TDP2: variants seen among roughly 807,000 people sequenced by gnomAD.
TDP2 encodes the protein tyrosyl-DNA phosphodiesterase 2, also known as 5'-Tyr-DNA phosphodiesterase.
Under a neutral mutation model 42.8 loss-of-function variants are expected in TDP2, and 38 were observed. The ratio of observed to expected loss-of-function variants is 0.89; its 90% CI spans 0.68 to 1.16. The LOEUF is 1.16. TDP2 is among the 50% of genes most tolerant of loss of function. The pLI is 0.00. For missense variants in TDP2, 439 were observed against 439.3 expected (o/e 1.00, Z 0.01); for synonymous variants, 173 against 150.6 (o/e 1.15, Z -1.09).
intron 2 of TDP2, chr6:24,665,915 T>A: frequency 1.8e-6 from 1 of 556,974 alleles, no homozygotes; most frequent in South Asian, 5.5e-5. Flanking sequence ...CTTTACGAAG[T>A]TTCAAAGACA....
At chr6:24,654,947 C>T (rs908402043) in intron 4 of TDP2, among the ~76,000 whole-genome samples, 8 of 152,090 alleles carry the variant, frequency 5.3e-5, no homozygotes, top group Non-Finnish European at 1.2e-4. Context: ...CTGAATTAGG[C>T]AAATCACTTG....
chr6:24,661,591 C>T (rs978112107), intron 2 of TDP2, among the ~76,000 whole-genome samples: 1 of 152,082 alleles, frequency 6.6e-6, no homozygotes, highest in Admixed American at 6.6e-5. Flanking sequence ...TCTGAAAAGC[C>T]CTTGTTCCTT....
intron 2 of TDP2, among the ~76,000 whole-genome samples, chr6:24,662,108 C>T (rs1321861231): frequency 2.0e-5 from 3 of 152,256 alleles, no homozygotes; most frequent in Non-Finnish European, 2.9e-5. Context: ...CAATGCACTG[C>T]GGAAGGCCAC....
intron 2 of TDP2, among the ~76,000 whole-genome samples, chr6:24,663,782 A>C (rs537570075): frequency 2.3e-4 from 35 of 152,344 alleles, no homozygotes; most frequent in African/African-American, 8.4e-4. Flanking sequence ...TAGAGCCTGC[A>C]GAACTGTTAG....
intron 2 of TDP2, among the ~76,000 whole-genome samples, chr6:24,662,882 G>T (rs1182476547): frequency 1.3e-5 from 2 of 152,194 alleles, no homozygotes; most frequent in African/African-American, 4.8e-5. Flanking sequence ...CCAGAAAGGA[G>T]AAATTATTAG....
Position 24,663,611 on chromosome 6 carries a change from G to A in TDP2, c.251+2915C>T, listed in dbSNP as rs918567734. On this transcript the variant is annotated intron_variant, in intron 2 of 6. Transcript: ENST00000378198. ...ATTAATGTCTTGGTGCTATCTTCAC[G>A]ATACTGAGTTCTTCTTGCAAGATCT... 1.0e-3 allele frequency among the ~76,000 whole-genome samples: 157 copies of A among 152,122 alleles called. 1 individual carries two copies. Among genetic ancestry groups the A allele is most frequent in the African/African-American group, 3.5e-3 (146 of 41,414 alleles).
rs770378919 is a variant in TDP2 at position 24,666,487 on chromosome 6, CCTCCGTGCGGACTGG to C, written c.251+24_251+38del. 110 of 1,600,486 alleles carry C rather than the reference CCTCCGTGCGGACTGG, an allele frequency of 6.9e-5. 1 individual carries two copies. In the South Asian group the frequency reaches 1.1e-3, roughly 15 times the overall value. On this transcript the variant is annotated intron_variant, in intron 2 of 6. Transcript: ENST00000378198. ...CGCAGGGCTACCTGGTATCAAACTGCCTCCGTGCGGACTGGCTCCCGCTCCCCTCATCACTTACTA... is the reference window on the plus strand; with the variant it reads ...CGCAGGGCTACCTGGTATCAAACTGCCTCCCGCTCCCCTCATCACTTACTA...
chr6:24,660,852 G>A (rs1316584556), intron 2 of TDP2, among the ~76,000 whole-genome samples: 2 of 152,160 alleles, frequency 1.3e-5, no homozygotes, highest in Non-Finnish European at 2.9e-5. Context: ...CTTACAGAAT[G>A]TCCTTCAGAT....
At position 24,665,429 on chromosome 6, in the gene TDP2, C is replaced by T. The variant is rs372428477; in HGVS notation, c.251+1097G>A. On this transcript the variant is annotated intron_variant, in intron 2 of 6. Coordinates refer to ENST00000378198, the MANE Select transcript of TDP2 (RefSeq NM_016614.3). ...TGTGGGTGAGTAAACAATTCCCCAA[C>T]AAGAGGCAAGACAGAGAAAGGAACC... Among the ~76,000 whole-genome samples, 35 of 152,292 alleles carry T rather than the reference C, an allele frequency of 2.3e-4. No homozygotes were observed. In the East Asian group the frequency reaches 6.0e-3, roughly 26 times the overall value.
At chr6:24,663,424 T>C (rs1313879850) in intron 2 of TDP2, among the ~76,000 whole-genome samples, 1 of 152,224 alleles carries the variant, frequency 6.6e-6, no homozygotes, top group African/African-American at 2.4e-5. Flanking sequence ...TCCATGCTCT[T>C]ATTCACTATG....
At chr6:24,651,108 C>T in intron 6 of TDP2, 39 bp from the exon 7 acceptor site, 1 of 1,424,746 alleles carries the variant, frequency 7.0e-7, no homozygotes, top group Non-Finnish European at 9.4e-7. Flanking sequence ...TACACATAGC[C>T]TTTTGCCCAC....
chr6:24,666,356 C>A, intron 2 of TDP2, 170 bp downstream of exon 2: 2 of 1,435,500 alleles, frequency 1.4e-6, no homozygotes. Flanking sequence ...GCTGCTGGGG[C>A]GCAACTCCGC....
At chr6:24,655,572 T>C (rs115247596) in intron 4 of TDP2, among the ~76,000 whole-genome samples, 1 of 152,282 alleles carries the variant, frequency 6.6e-6, no homozygotes, top group Non-Finnish European at 1.5e-5. Context: ...GTCCCTCTAT[T>C]AACAGGAGAC....
intron 2 of TDP2, among the ~76,000 whole-genome samples, chr6:24,660,717 T>C (rs546210181): frequency 6.6e-6 from 1 of 152,352 alleles, no homozygotes; most frequent in Admixed American, 6.5e-5. Flanking sequence ...GCTACTAGTG[T>C]CCTAATCTAG....
intron 2 of TDP2, among the ~76,000 whole-genome samples, chr6:24,660,902 T>C (rs996956890): frequency 2.0e-5 from 3 of 152,160 alleles, no homozygotes; most frequent in Admixed American, 2.0e-4. Flanking sequence ...AGATTATGCA[T>C]TTTTTGGCAG....
Position 24,666,799 on chromosome 6 carries a change from C to T in TDP2, c.64G>A (p.Val22Met), listed in dbSNP as rs199594700. 3.7e-6 allele frequency: 6 copies of T among 1,614,248 alleles called. No homozygotes were observed. The highest frequency in any genetic ancestry group is 2.2e-5 in the East Asian group (1 of 44,874). ...ACACACAGAAGTCGCCGCTTTTTCA[C>T]CTCAGGCTCGCCCTCTTCCTCCGCC... ...EAAEEEGEPE[V>M]KKRRLLCVEF... is the part of the protein sequence containing the mutation. Residue 22 changes from valine to methionine, a missense_variant, in exon 1 of 7, where the codon GTG (valine) becomes ATG (methionine). Transcript: ENST00000378198.
At chr6:24,666,128 T>C (rs1208609819) in intron 2 of TDP2, 7 of 1,549,096 alleles carry the variant, frequency 4.5e-6, no homozygotes. Context: ...CCTGTTATTC[T>C]GGCCGGTCAG....
intron 6 of TDP2, among the ~76,000 whole-genome samples, chr6:24,652,476 C>G (rs1391148277): frequency 1.3e-5 from 2 of 151,902 alleles, no homozygotes; most frequent in Non-Finnish European, 2.9e-5. Context: ...GAGCTATAGG[C>G]AGGGAGAAAG....
chr6:24,652,992 C>T lies in TDP2; in HGVS notation c.798G>A (p.Arg266=), dbSNP rs1562146674. Residue 266 remains arginine (R), a synonymous_variant, in exon 6 of 7, where the codon AGG becomes AGA. Coordinates refer to ENST00000378198, the MANE Select transcript of TDP2 (RefSeq NM_016614.3). ...TVIFAGDTNL[R]DREVTRCGGL... is the part of the protein sequence containing the mutation. ...TGACTTTGTCACTCACCTCTCGATC[C>T]CTTAGATTTGTATCTCCTGCAAATA... 4.3e-6 allele frequency: 7 copies of T among 1,613,174 alleles called. No homozygotes were observed. The highest frequency in any genetic ancestry group is 5.1e-6 in the Non-Finnish European group (6 of 1,180,020).
Sources: allele counts gnomAD v4.1 joint callset (sites outside exome capture counted in the v4.1 genomes callset), GRCh38; gene constraint gnomAD v4.1.1; transcripts MANE v1.5; gene names NCBI Gene and HGNC (gene_info 2026-07-23, HGNC 2026-07-21).